PRMT8: variants seen among roughly 807,000 people sequenced by gnomAD.
PRMT8 encodes protein arginine N-methyltransferase 8.
A neutral mutation model predicts 47.1 loss-of-function variants in PRMT8; 7 were observed. That is an observed-to-expected ratio of 0.15 (90% CI 0.08 to 0.28). PRMT8 has a LOEUF of 0.28. PRMT8 is among the 10% of genes least tolerant of loss of function. PRMT8 has a pLI of 1.00. For synonymous variants in PRMT8, 188 were observed against 186.5 expected, an observed-to-expected ratio of 1.01 and a Z score of -0.07; for missense variants, 237 against 505.4, an observed-to-expected ratio of 0.47 and a Z score of 5.09.
At chr12:3,415,143 C>G (rs1864471190) in intron 1 of PRMT8, among the ~76,000 whole-genome samples, 1 of 152,020 alleles carries the variant, frequency 6.6e-6, no homozygotes, top group Admixed American at 6.6e-5. Flanking sequence ...GCTCACAGAA[C>G]TCAGGGAAAC....
At chr12:3,567,893 G>T (rs1018883754) in intron 4 of PRMT8, among the ~76,000 whole-genome samples, 12 of 152,062 alleles carry the variant, frequency 7.9e-5, no homozygotes, top group African/African-American at 2.9e-4. Context: ...GGCCAACATG[G>T]TGAAACCCCG....
rs1338962568 is a variant in PRMT8 at position 3,514,058 on chromosome 12, A to C, written c.75+22358A>C. On this transcript the variant is annotated intron_variant, in intron 1 of 9. Coordinates refer to ENST00000382622, the MANE Select transcript of PRMT8 (RefSeq NM_019854.5). The surrounding 1 kb of genome is among the most constrained non-coding windows in gnomAD (Gnocchi z 5.9). ...GAGGCAGGGGGCAGGGGCAGGATTT[A>C]TTGTGATTGTCCTTTGGAGAGGGAA... is the stretch of plus-strand genomic sequence containing the variant. Among the ~76,000 whole-genome samples the C allele has an allele frequency of 6.6e-6, 1 of 152,124 alleles. No homozygotes were observed. The highest frequency in any genetic ancestry group is 1.5e-5 in the Non-Finnish European group (1 of 68,012).
chr12:3,486,308 G>T (rs966043861), upstream of PRMT8, among the ~76,000 whole-genome samples: 4 of 151,918 alleles, frequency 2.6e-5, no homozygotes, highest in Non-Finnish European at 2.9e-5. Flanking sequence ...TAACCTATGA[G>T]AACCAATGCA....
intron 1 of PRMT8, among the ~76,000 whole-genome samples, chr12:3,399,557 T>C (rs1864296846): frequency 6.6e-6 from 1 of 152,174 alleles, no homozygotes; most frequent in South Asian, 2.1e-4. Flanking sequence ...CATGAGCCTC[T>C]TGTGTACAGA....
At chr12:3,441,547 A>G (rs1248675684) in intron 1 of PRMT8, among the ~76,000 whole-genome samples, 4 of 152,194 alleles carry the variant, frequency 2.6e-5, no homozygotes, top group Admixed American at 1.3e-4. Context: ...GTGTCTCCCC[A>G]GTGCCCAGGA....
At chr12:3,491,832 C>CTGTGTGTGTGTGTGTGTGTG (rs531683101) in intron 1 of PRMT8, 132 bp downstream of exon 1, 1 of 535,872 alleles carries the variant, frequency 1.9e-6, no homozygotes, top group African/African-American at 5.2e-5. Flanking sequence ...CGGCCTCCTC[C>CTGTGTGTGTGTGTGTGTGTG]TGTGTGTGTG....
At chr12:3,520,758 C>T (rs569340671) in intron 1 of PRMT8, among the ~76,000 whole-genome samples, 61 of 152,292 alleles carry the variant, frequency 4.0e-4, no homozygotes, top group African/African-American at 1.4e-3. Context: ...CTTAGCCAGG[C>T]CCTGAAGCTC....
intron 7 of PRMT8, 42 bp downstream of exon 7, chr12:3,577,028 C>T (rs925385744): frequency 5.2e-5 from 79 of 1,522,178 alleles, no homozygotes; most frequent in Non-Finnish European, 6.6e-5. Context: ...GTGCTGGGAG[C>T]CCCGCTGTGC....
intron 1 of PRMT8, among the ~76,000 whole-genome samples, chr12:3,450,989 T>C (rs1864910404): frequency 8.5e-6 from 1 of 117,494 alleles, no homozygotes; most frequent in African/African-American, 3.2e-5. Flanking sequence ...CAAAGGCAAA[T>C]CACATCTTAG....
chr12:3,461,884 AC>A (rs1213228332), intron 1 of PRMT8, among the ~76,000 whole-genome samples: 2 of 152,046 alleles, frequency 1.3e-5, no homozygotes, highest in African/African-American at 2.4e-5. Flanking sequence ...TTTTTAAAAA[AC>A]CAAAACAAAA....
intron 1 of PRMT8, among the ~76,000 whole-genome samples, chr12:3,438,268 C>T (rs1345603049): frequency 1.3e-5 from 2 of 152,204 alleles, no homozygotes; most frequent in Non-Finnish European, 2.9e-5. Context: ...GACCGTCTCC[C>T]GTTTAGTCAT....
At chr12:3,585,672 C>T (rs1867157404) in intron 8 of PRMT8, among the ~76,000 whole-genome samples, 1 of 151,962 alleles carries the variant, frequency 6.6e-6, no homozygotes, top group African/African-American at 2.4e-5. Context: ...ACCAGTGCCT[C>T]CTGATTACTA....
At chr12:3,540,886 G>A in intron 2 of PRMT8, 95 bp downstream of exon 2, 1 of 1,353,160 alleles carries the variant, frequency 7.4e-7, no homozygotes, top group Non-Finnish European at 1.0e-6. Context: ...TCCTTACCAT[G>A]GTAAAGGGAG....
rs2137113612 is a variant in PRMT8 at position 3,493,258 on chromosome 12, G to A, written c.75+1558G>A. ...CCTGAGAGCAGACATTCGGAATGAT[G>A]TGTAGTGCGAGGCGGCTAGCCTCCC... On this transcript the variant is annotated intron_variant, in intron 1 of 9. Coordinates refer to ENST00000382622, the MANE Select transcript of PRMT8 (RefSeq NM_019854.5). The surrounding 1 kb of genome is among the most constrained non-coding windows in gnomAD (Gnocchi z 8.2). Among the ~76,000 whole-genome samples, 1 of 152,294 alleles carries A rather than the reference G, an allele frequency of 6.6e-6. No individual in the cohort carries two copies. Among genetic ancestry groups the A allele is most frequent in the Middle Eastern group, 3.4e-3 (1 of 294 alleles).
chr12:3,543,854 A>G (rs3782756), intron 2 of PRMT8, among the ~76,000 whole-genome samples: 39,838 of 152,094 alleles, frequency 0.26, 5,513 homozygotes, highest in East Asian at 0.45. Flanking sequence ...GCCGCCACCT[A>G]GAGAGGAGGT....
chr12:3,506,679 G>A (rs1865630237), intron 1 of PRMT8, among the ~76,000 whole-genome samples: 1 of 152,170 alleles, frequency 6.6e-6, no homozygotes, highest in African/African-American at 2.4e-5. Flanking sequence ...TCCTACAGGT[G>A]TGAGGGAATG....
intron 7 of PRMT8, among the ~76,000 whole-genome samples, chr12:3,577,659 TAA>T (rs1448479623): frequency 7.0e-6 from 1 of 141,966 alleles, no homozygotes; most frequent in Non-Finnish European, 1.5e-5. Flanking sequence ...CTTAAAACAT[TAA>T]GAGACTTTTT....
chr12:3,580,366 G>GTA lies in PRMT8; in HGVS notation c.829-2691_829-2690dup, dbSNP rs1402253110. ...TGTGTGTGTGTGTGTGTGTGTGTGT[G>GTA]TACGCGTGCGCATGCGGGATAGAAG... On this transcript the variant is annotated intron_variant, in intron 7 of 9. Transcript: ENST00000382622. The surrounding 1 kb of genome is among the most constrained non-coding windows in gnomAD (Gnocchi z 4.6). 6.6e-6 allele frequency among the ~76,000 whole-genome samples: 1 copy of GTA among 150,762 alleles called. No individual in the cohort carries two copies. The highest frequency in any genetic ancestry group is 1.5e-5 in the Non-Finnish European group (1 of 67,698).
chr12:3,491,296 GC>G lies in PRMT8; in HGVS notation c.-328del. ...AGCAGCCTGGAGAGGATCCGCGACC[GC>G]CGCCGCCGCCGCCGCGGAGGCTTCG... On this transcript the variant is annotated 5_prime_UTR_variant, in exon 1 of 10. Transcript: ENST00000382622. 1.9e-6 allele frequency: 2 copies of G among 1,058,158 alleles called. No individual in the cohort carries two copies. Among genetic ancestry groups the G allele is most frequent in the Non-Finnish European group, 2.3e-6 (2 of 867,098 alleles). The allele number at this position is 1,058,158 out of a possible 1,614,324, so 65.5% of individuals were successfully genotyped here.
Sources: gnomAD v4.1 joint callset for allele counts (sites outside exome capture counted in the v4.1 genomes callset) on GRCh38, gnomAD v4.1.1 for gene constraint, Gnocchi (gnomAD v3.1) non-coding constraint, MANE v1.5 for transcripts, NCBI Gene and HGNC (gene_info 2026-07-23, HGNC 2026-07-21) for gene names.